Variants in SGCD observed in about 807,000 individuals in gnomAD.
The protein encoded by SGCD is sarcoglycan delta, also known as delta-sarcoglycan.
SGCD carries 18 observed loss-of-function variants against 36.6 expected under a neutral mutation model. The observed-to-expected ratio is 0.49, with a 90% CI of 0.34 to 0.73. The LOEUF (loss-of-function observed/expected upper bound fraction) is 0.73. SGCD is among the 30% of genes least tolerant of loss of function. The pLI, the probability that SGCD is intolerant of heterozygous loss-of-function variation, is 0.01. For missense variants in SGCD, 387 were observed against 346.7 expected, an observed-to-expected ratio of 1.12 and a Z score of -0.92; for synonymous variants, 133 against 130.6, an observed-to-expected ratio of 1.02 and a Z score of -0.12.
chr5:156,033,823 G>A (rs570129210), intron 1 of SGCD, among the ~76,000 whole-genome samples: 52 of 152,234 alleles, frequency 3.4e-4, no homozygotes, highest in African/African-American at 1.2e-3. Context: ...TGCCATCATT[G>A]GAGTGAGCAT....
intron 6 of SGCD, among the ~76,000 whole-genome samples, chr5:156,598,955 GTCTC>G (rs1160647555): frequency 4.6e-5 from 7 of 152,168 alleles, no homozygotes; most frequent in Non-Finnish European, 8.8e-5. Flanking sequence ...GATAAAATCT[GTCTC>G]TCTTCATCAT....
chr5:156,521,871 T>C (rs1164351542), intron 4 of SGCD, among the ~76,000 whole-genome samples: 2 of 152,292 alleles, frequency 1.3e-5, no homozygotes, highest in East Asian at 3.9e-4. Context: ...ATATAGATCA[T>C]TCCATTATAA....
intron 1 of SGCD, among the ~76,000 whole-genome samples, chr5:156,071,038 C>A (rs1760540546): frequency 6.6e-6 from 1 of 152,086 alleles, no homozygotes; most frequent in Admixed American, 6.5e-5. Flanking sequence ...CTTTATTAGT[C>A]TTGCTAGCGG....
intron 3 of SGCD, among the ~76,000 whole-genome samples, chr5:156,495,165 A>T (rs1274256376): frequency 2.6e-5 from 4 of 152,134 alleles, no homozygotes; most frequent in Non-Finnish European, 5.9e-5. Context: ...TACAAGTGCA[A>T]GCAAGAGAAC....
At chr5:156,395,784 G>A (rs1057102439) in intron 3 of SGCD, among the ~76,000 whole-genome samples, 4 of 152,200 alleles carry the variant, frequency 2.6e-5, no homozygotes, top group African/African-American at 9.7e-5. Flanking sequence ...TCTGTAGCCT[G>A]TGGGCTTTAC....
rs183119168 is a variant in SGCD, at chr5:156,231,103, C to T, written c.-43-98431C>T. On this transcript the variant is annotated intron_variant, in intron 3 of 9. Transcript: ENST00000517913. ...TTTGAACTTGATGAATATGTGACGC[C>T]ACCATAAAATCCAAGGAGAAAAATC... 3.1e-4 allele frequency among the ~76,000 whole-genome samples: 47 copies of T among 152,208 alleles called. 1 individual carries two copies. In the East Asian group the frequency reaches 6.2e-3, roughly 20 times the overall value.
intron 2 of SGCD, among the ~76,000 whole-genome samples, chr5:156,119,975 C>A (rs1350772639): frequency 6.6e-6 from 1 of 152,196 alleles, no homozygotes; most frequent in Non-Finnish European, 1.5e-5. Context: ...CTCTCCCATG[C>A]AGACACTGGT....
chr5:156,179,539 A>G (rs542592477), intron 3 of SGCD, among the ~76,000 whole-genome samples: 18 of 152,244 alleles, frequency 1.2e-4, no homozygotes, highest in Admixed American at 9.8e-4. Flanking sequence ...CTTTCAATGC[A>G]TATTCACAAA....
chr5:156,389,639 A>C (rs1425995891), intron 3 of SGCD, among the ~76,000 whole-genome samples: 1 of 152,158 alleles, frequency 6.6e-6, no homozygotes, highest in African/African-American at 2.4e-5. Context: ...GGCAGAGCTC[A>C]GGCAGTAAAG....
chr5:156,562,503 TAGTC>T (rs1759308324), intron 4 of SGCD, among the ~76,000 whole-genome samples: 2 of 152,106 alleles, frequency 1.3e-5, no homozygotes, highest in Admixed American at 6.5e-5. Context: ...CAGCAAGAGA[TAGTC>T]AGGCAGGTGG....
intron 1 of SGCD, among the ~76,000 whole-genome samples, chr5:155,892,593 T>C (rs776696348): frequency 5.3e-5 from 8 of 152,034 alleles, no homozygotes; most frequent in Non-Finnish European, 1.2e-4. Flanking sequence ...GCAGATCTTA[T>C]AGTACTTCAT....
chr5:156,453,436 T>G (rs1313591763), intron 3 of SGCD, among the ~76,000 whole-genome samples: 1 of 152,152 alleles, frequency 6.6e-6, no homozygotes, highest in Non-Finnish European at 1.5e-5. Flanking sequence ...TGAAAGCAAG[T>G]GTTACATGTA....
At chr5:155,745,808 T>A in the SGCD span, among the ~76,000 whole-genome samples, 2 of 152,182 alleles carry the variant, frequency 1.3e-5, no homozygotes, top group African/African-American at 2.4e-5. Flanking sequence ...TCTTTTATAC[T>A]CACTGGATTA....
chr5:156,394,699 G>C (rs1041484857), intron 3 of SGCD, among the ~76,000 whole-genome samples: 1 of 152,042 alleles, frequency 6.6e-6, no homozygotes. Flanking sequence ...TTTTCCTTCC[G>C]ATTTTAAAAG....
At chr5:156,076,872 T>G (rs1760799977) in intron 1 of SGCD, among the ~76,000 whole-genome samples, 1 of 152,202 alleles carries the variant, frequency 6.6e-6, no homozygotes, top group Non-Finnish European at 1.5e-5. Context: ...GTATAAGGCG[T>G]CAATGACTTC....
At chr5:155,913,069 T>A (rs1420159168) in intron 1 of SGCD, among the ~76,000 whole-genome samples, 1 of 152,178 alleles carries the variant, frequency 6.6e-6, no homozygotes, top group African/African-American at 2.4e-5. Flanking sequence ...CTTTTCAAAC[T>A]TTTTTCTCTT....
chr5:156,538,103 T>TG (rs1554113679), intron 4 of SGCD, among the ~76,000 whole-genome samples: 2 of 119,370 alleles, frequency 1.7e-5, no homozygotes, highest in Non-Finnish European at 2.0e-5. Flanking sequence ...ATAATATATT[T>TG]GGAAAAAAAA....
chr5:156,171,077 T>C (rs1269967157), intron 3 of SGCD, among the ~76,000 whole-genome samples: 1 of 152,186 alleles, frequency 6.6e-6, no homozygotes, highest in Non-Finnish European at 1.5e-5. Context: ...TTAAAAGTTG[T>C]GTCTTTGCGG....
At chr5:156,125,933 A>C (rs1762160736) in intron 3 of SGCD, among the ~76,000 whole-genome samples, 1 of 150,318 alleles carries the variant, frequency 6.7e-6, no homozygotes, top group Non-Finnish European at 1.5e-5. Flanking sequence ...GCTGGAGTAC[A>C]ATGGCACAGT....
Sources: allele counts gnomAD v4.1 joint callset (sites outside exome capture counted in the v4.1 genomes callset), GRCh38; gene constraint gnomAD v4.1.1; transcripts MANE v1.5; gene names NCBI Gene and HGNC (gene_info 2026-07-23, HGNC 2026-07-21).